BMAL2: variants seen among roughly 807,000 people sequenced by gnomAD.
The protein encoded by BMAL2 is basic helix-loop-helix ARNT-like protein 2.
the BMAL2 span, chr12:27,400,829 A>C: frequency 6.7e-7 from 1 of 1,483,504 alleles, no homozygotes. Flanking sequence ...TGAAGCTATT[A>C]AAGGCGTGTC....
the BMAL2 span, chr12:27,390,195 C>T: frequency 2.5e-6 from 4 of 1,613,868 alleles, no homozygotes; most frequent in Admixed American, 1.7e-5. Context: ...TGTAAAATCT[C>T]TGTCAAAGAA....
the BMAL2 span, chr12:27,421,758 T>G: frequency 2.0e-5 from 3 of 152,226 alleles, no homozygotes; most frequent in Non-Finnish European, 4.4e-5. Context: ...ATTAAATGTC[T>G]TGTGTAAAGT....
At chr12:27,343,568 A>G in the BMAL2 span, among the ~76,000 whole-genome samples, 4 of 152,040 alleles carry the variant, frequency 2.6e-5, no homozygotes, top group Non-Finnish European at 4.4e-5. Flanking sequence ...CCAGTATATA[A>G]CAATGATCTC....
chr12:27,338,333 GCTAA>G, the BMAL2 span, among the ~76,000 whole-genome samples: 10,903 of 152,184 alleles, frequency 0.072, 463 homozygotes, highest in Non-Finnish European at 0.1. Context: ...CAATATATGG[GCTAA>G]CTGTTAGGAG....
chr12:27,377,699 C>T, the BMAL2 span, among the ~76,000 whole-genome samples: 3 of 152,168 alleles, frequency 2.0e-5, no homozygotes, highest in African/African-American at 7.2e-5. Flanking sequence ...TATGATCATA[C>T]AACTGCACTG....
the BMAL2 span, among the ~76,000 whole-genome samples, chr12:27,368,802 G>T: frequency 2.0e-5 from 3 of 152,082 alleles, no homozygotes; most frequent in Admixed American, 2.0e-4. Flanking sequence ...CCAACCCTTG[G>T]TTATCTGTGG....
chr12:27,418,231 T>C, the BMAL2 span: 3 of 1,454,034 alleles, frequency 2.1e-6, no homozygotes, highest in Non-Finnish European at 2.9e-6. Flanking sequence ...ACCATTTTCG[T>C]TTATCAAAAC....
the BMAL2 span, among the ~76,000 whole-genome samples, chr12:27,353,431 T>C: frequency 2.6e-4 from 40 of 152,234 alleles, no homozygotes; most frequent in African/African-American, 7.7e-4. Context: ...CAACTCAAGG[T>C]GGATTAAAGA....
chr12:27,420,729 T>C, the BMAL2 span: 1 of 543,712 alleles, frequency 1.8e-6, no homozygotes, highest in Non-Finnish European at 2.9e-6. Context: ...CCAAGTTTAT[T>C]ATAGACTCCT....
the BMAL2 span, among the ~76,000 whole-genome samples, chr12:27,364,633 A>G: frequency 6.6e-6 from 1 of 152,098 alleles, no homozygotes; most frequent in African/African-American, 2.4e-5. Context: ...TTCATGACCC[A>G]TTGTTCTTCT....
At chr12:27,364,779 C>T in the BMAL2 span, among the ~76,000 whole-genome samples, 1 of 152,074 alleles carries the variant, frequency 6.6e-6, no homozygotes, top group Non-Finnish European at 1.5e-5. Flanking sequence ...AAAAGCCTGG[C>T]ATATCTTTCC....
the BMAL2 span, among the ~76,000 whole-genome samples, chr12:27,405,144 C>T: frequency 7.2e-5 from 11 of 152,184 alleles, no homozygotes; most frequent in African/African-American, 2.7e-4. Flanking sequence ...AGGAAGCCTG[C>T]CTGCCTCTGT....
the BMAL2 span, chr12:27,390,210 A>T: frequency 6.2e-7 from 1 of 1,613,996 alleles, no homozygotes; most frequent in South Asian, 1.1e-5. Context: ...AAAGAAGAGC[A>T]TGGATGCTTA....
the BMAL2 span, among the ~76,000 whole-genome samples, chr12:27,416,311 CAGTA>C: frequency 1.9e-3 from 286 of 152,096 alleles, no homozygotes; most frequent in African/African-American, 6.5e-3. Flanking sequence ...GCCTAGCACA[CAGTA>C]AGTGCTAAAT....
At chr12:27,341,452 C>G in the BMAL2 span, among the ~76,000 whole-genome samples, 2 of 152,168 alleles carry the variant, frequency 1.3e-5, no homozygotes, top group Non-Finnish European at 2.9e-5. Flanking sequence ...AACTTGCTCC[C>G]CACGGATAAA....
chr12:27,334,226 T>G, the BMAL2 span, among the ~76,000 whole-genome samples: 3 of 152,232 alleles, frequency 2.0e-5, no homozygotes, highest in Non-Finnish European at 4.4e-5. Context: ...TTATAAGCTC[T>G]GACACCCTTT....
chr12:27,387,126 T>C, the BMAL2 span: 27 of 764,972 alleles, frequency 3.5e-5, 1 homozygote, highest in Middle Eastern at 2.4e-3. Flanking sequence ...GTTAGTTTTA[T>C]TGCCACAGTA....
the BMAL2 span, among the ~76,000 whole-genome samples, chr12:27,404,035 G>A: frequency 5.9e-5 from 9 of 151,618 alleles, no homozygotes; most frequent in Admixed American, 5.3e-4. Flanking sequence ...GGTGGTGCAC[G>A]CCTATAGTCC....
At chr12:27,417,002 A>C in the BMAL2 span, among the ~76,000 whole-genome samples, 4 of 152,194 alleles carry the variant, frequency 2.6e-5, no homozygotes, top group Non-Finnish European at 5.9e-5. Flanking sequence ...TTTTATACAA[A>C]TATCATGTCT....
Sources: allele counts gnomAD v4.1 joint callset (sites outside exome capture counted in the v4.1 genomes callset), GRCh38; gene constraint gnomAD v4.1.1; transcripts MANE v1.5; gene names NCBI Gene and HGNC (gene_info 2026-07-23, HGNC 2026-07-21).